The following SVIL variants were observed in gnomAD, a reference collection of about 807,000 sequenced individuals.
SVIL encodes the protein archvillin.
SVIL carries 101 observed loss-of-function variants against 240.4 expected under a neutral mutation model. The ratio of observed to expected loss-of-function variants is 0.42; its 90% CI spans 0.36 to 0.50. The LOEUF is 0.50. Among genes scored for constraint, SVIL ranks in the 20% least tolerant of loss-of-function variants. SVIL has a pLI of 0.01. For missense variants in SVIL, 2,512 were observed against 2,818.7 expected, an observed-to-expected ratio of 0.89 and a Z score of 2.46; for synonymous variants, 999 against 1,100.0, an observed-to-expected ratio of 0.91 and a Z score of 1.82.
At chr10:29,689,151 T>C (rs914909284) in intron 1 of SVIL, among the ~76,000 whole-genome samples, 1 of 152,222 alleles carries the variant, frequency 6.6e-6, no homozygotes, top group Non-Finnish European at 1.5e-5. Context: ...AGAAGGGACC[T>C]TAGCTCAACT....
In SVIL at chr10:29,532,600, G is replaced by A; in HGVS notation, c.1767C>T (p.Asp589=). 1 of 1,614,094 alleles carries A rather than the reference G, an allele frequency of 6.2e-7. No homozygotes were observed. The highest frequency in any genetic ancestry group is 8.5e-7 in the Non-Finnish European group (1 of 1,179,922). ...GGAGCTGGGCGACAGAGACTTTTGT[G>A]TCCAGCATGCTGATCTCCCCATAAG... is the stretch of plus-strand genomic sequence containing the variant. ...EGPYGEISML[D]TKVSVAQLRS... The change falls in exon 8 of 38, where the codon GAC becomes GAT. Residue 589 remains aspartate (D), a synonymous_variant. Coordinates refer to ENST00000355867, the MANE Select transcript of SVIL (RefSeq NM_021738.3).
chr10:29,487,061 C>T lies in SVIL; in HGVS notation c.4485+102G>A, dbSNP rs111310211. ...CCTATCCCTTCTCACTTGAATGCAA[C>T]ACCTGGCTTTTGAGAAGCTTTGTGA... On this transcript the variant is annotated intron_variant, in intron 24 of 37. Transcript: ENST00000355867. 3.9e-4 allele frequency: 556 copies of T among 1,431,962 alleles called. 3 individuals carry two copies. The African/African-American group carries it at 4.3e-3, about 11-fold the overall frequency. The allele number at this position is 1,431,962 out of a possible 1,614,324, so 88.7% of individuals were successfully genotyped here. A position where few individuals can be genotyped will look rare whatever the true frequency, so the allele number is the denominator to read the frequency against.
intron 1 of SVIL, among the ~76,000 whole-genome samples, chr10:29,608,886 G>A (rs756802339): frequency 1.3e-4 from 20 of 152,220 alleles, no homozygotes; most frequent in South Asian, 6.2e-4. Flanking sequence ...TCAGCTGTCC[G>A]TTCCAGGTGG....
intron 1 of SVIL, among the ~76,000 whole-genome samples, chr10:29,633,003 G>C (rs1958162657): frequency 6.6e-6 from 1 of 152,130 alleles, no homozygotes; most frequent in South Asian, 2.1e-4. Context: ...GGAGCCCAAG[G>C]TGGGCGGATC....
In SVIL at chr10:29,533,250, T is replaced by C. The variant is rs147817713; in HGVS notation, c.1117A>G (p.Thr373Ala). ...GTCACTAGCTTGGCGGTGTGACCGG[T>C]ATCTGCGGGTTGGACATAGCCACGG... ...PIRGYVQPAD[T>A]GHTAKLVTPE... Residue 373 changes from threonine (T) to alanine (A), a missense_variant, in exon 8 of 38, where the codon ACC becomes GCC. By Grantham distance (58) the Thr-to-Ala change is moderately conservative. Transcript: ENST00000355867. The C allele has an allele frequency of 3.5e-5, 57 of 1,613,942 alleles. No individual in the cohort carries two copies. In the African/African-American group the frequency reaches 7.6e-4, roughly 22 times the overall value.
At chr10:29,522,360 T>C in intron 16 of SVIL, 50 bp downstream of exon 16, 1 of 1,588,328 alleles carries the variant, frequency 6.3e-7, no homozygotes, top group Non-Finnish European at 8.6e-7. Flanking sequence ...AAAAGCAAGC[T>C]GTAAGCTCCT....
intron 3 of SVIL, among the ~76,000 whole-genome samples, chr10:29,642,494 T>A (rs1958523174): frequency 6.6e-6 from 1 of 151,978 alleles, no homozygotes; most frequent in Non-Finnish European, 1.5e-5. Flanking sequence ...ACTTCAAGCC[T>A]TAGTTGAGAA....
At chr10:29,653,631 C>G (rs1222619239) in intron 3 of SVIL, among the ~76,000 whole-genome samples, 1 of 151,894 alleles carries the variant, frequency 6.6e-6, no homozygotes, top group African/African-American at 2.4e-5. Context: ...AAATCCAATC[C>G]AAGGCCATTA....
At position 29,717,281 on chromosome 10, in the gene SVIL, A is replaced by C. The variant is rs140037239; in HGVS notation, c.-400+18470T>G. Among the ~76,000 whole-genome samples the C allele has an allele frequency of 7.1e-3, 912 of 127,608 alleles. 9 individuals carry two copies. Among genetic ancestry groups the C allele is most frequent in the African/African-American group, 0.026 (855 of 33,458 alleles). 83.7% of individuals were successfully genotyped at this position (127,608 alleles called of 152,430 possible). A position where few individuals can be genotyped will look rare whatever the true frequency, so the allele number is the denominator to read the frequency against. ...AAAAAAAAAATAGGCAGTGTGATTT[A>C]TGTTTTTTTTCACAGATATCACACA... On this transcript the variant is annotated intron_variant, in intron 1 of 35. Transcript: ENST00000375400.
At chr10:29,604,753 A>G (rs2132851923) in intron 1 of SVIL, among the ~76,000 whole-genome samples, 1 of 150,396 alleles carries the variant, frequency 6.6e-6, no homozygotes, top group East Asian at 2.0e-4. Flanking sequence ...AATTTTTGTA[A>G]AGATAGGGTC....
rs758716039 is a variant in SVIL, at chr10:29,470,320, GTGGGCC to G, written c.5793_5798del (p.Gln1931_Ala1932del). The stretch of plus-strand genomic sequence containing the variant: ...CAGCGGTCCTTCCGACCTCCTTCGT[GTGGGCC>G]TGGGCTTTGCATCCGTGCCACAGGT... On this transcript the variant is annotated inframe_deletion, in exon 32 of 38. Coordinates refer to ENST00000355867, the MANE Select transcript of SVIL (RefSeq NM_021738.3). 6.2e-7 allele frequency: 1 copy of G among 1,614,184 alleles called. No individual in the cohort carries two copies. The highest frequency in any genetic ancestry group is 8.5e-7 in the Non-Finnish European group (1 of 1,180,036).
chr10:29,609,374 G>C (rs1389096349), intron 1 of SVIL, among the ~76,000 whole-genome samples: 2 of 152,188 alleles, frequency 1.3e-5, no homozygotes, highest in Non-Finnish European at 2.9e-5. Context: ...CTGGTGCTGA[G>C]TGGCCACCCC....
At chr10:29,628,108 G>A (rs1564716649) in intron 1 of SVIL, among the ~76,000 whole-genome samples, 1 of 152,176 alleles carries the variant, frequency 6.6e-6, no homozygotes, top group Admixed American at 6.5e-5. Context: ...ATAGCACACA[G>A]TAAACTAAAC....
chr10:29,489,619 C>T (rs1947758406), intron 22 of SVIL, among the ~76,000 whole-genome samples: 1 of 152,132 alleles, frequency 6.6e-6, no homozygotes, highest in African/African-American at 2.4e-5. Flanking sequence ...GCAGTCATGG[C>T]TCACTGCAGC....
chr10:29,647,971 C>CAAAAA (rs3030628), intron 3 of SVIL, among the ~76,000 whole-genome samples: 5 of 96,310 alleles, frequency 5.2e-5, no homozygotes, highest in East Asian at 3.4e-4. Context: ...TTGTCAATAT[C>CAAAAA]AAAAAAAAAA....
At chr10:29,708,729 A>AGT in intron 1 of SVIL, among the ~76,000 whole-genome samples, 1 of 152,304 alleles carries the variant, frequency 6.6e-6, no homozygotes, top group East Asian at 1.9e-4. Flanking sequence ...AAAAGTATAC[A>AGT]GTGTGCATGC....
intron 16 of SVIL, among the ~76,000 whole-genome samples, chr10:29,516,209 A>G (rs1950188534): frequency 6.6e-6 from 1 of 152,162 alleles, no homozygotes; most frequent in Non-Finnish European, 1.5e-5. Flanking sequence ...TCCATTCCAA[A>G]ACCCTGAAAT....
chr10:29,718,258 G>A (rs527660806), intron 1 of SVIL, among the ~76,000 whole-genome samples: 18 of 151,962 alleles, frequency 1.2e-4, no homozygotes, highest in Middle Eastern at 6.8e-3. Context: ...CCCAGGAGGT[G>A]GAGGTTGCAG....
At chr10:29,514,376 A>T (rs1482019851) in intron 16 of SVIL, among the ~76,000 whole-genome samples, 3 of 152,216 alleles carry the variant, frequency 2.0e-5, no homozygotes, top group East Asian at 3.9e-4. Flanking sequence ...AGCTAGGATG[A>T]CAGGTGTGCA....
Sources: gnomAD v4.1 joint callset for allele counts (sites outside exome capture counted in the v4.1 genomes callset) on GRCh38, gnomAD v4.1.1 for gene constraint, MANE v1.5 for transcripts, NCBI Gene and HGNC (gene_info 2026-07-23, HGNC 2026-07-21) for gene names.